WWOX: variants seen among roughly 807,000 people sequenced by gnomAD.
The protein encoded by WWOX is WW domain-containing oxidoreductase.
WWOX carries 69 observed loss-of-function variants against 46.2 expected under a neutral mutation model. The ratio of observed to expected loss-of-function variants is 1.49; its 90% confidence interval spans 1.23 to 1.82. The LOEUF is 1.82. Among genes scored for constraint, WWOX ranks in the 40% most tolerant of loss-of-function variants. The pLI is 0.00. For synonymous variants in WWOX, 359 were observed against 202.6 expected, an observed-to-expected ratio of 1.77 and a Z score of -6.56; for missense variants, 919 against 542.6, an observed-to-expected ratio of 1.69 and a Z score of -6.89.
rs771830919 is a variant in WWOX at position 78,774,584 on chromosome 16, A to G, written c.1056+341832A>G. The stretch of plus-strand genomic sequence containing the variant: ...CGTGTCCCCCTCCCCCCCCACACAT[A>G]TGCACATAAGATAGCATAAGGTAGT... On this transcript the variant is annotated intron_variant, in intron 8 of 8. Transcript: ENST00000566780. Among the ~76,000 whole-genome samples, 9 of 151,926 alleles carry G rather than the reference A, an allele frequency of 5.9e-5. No homozygotes were observed. The South Asian group carries it at 8.3e-4, about 14-fold the overall frequency.
At chr16:79,032,683 C>A (rs866835847) in intron 8 of WWOX, among the ~76,000 whole-genome samples, 2 of 148,488 alleles carry the variant, frequency 1.3e-5, no homozygotes, top group Non-Finnish European at 3.0e-5. Flanking sequence ...TATATATATA[C>A]ACACACACAC....
At chr16:79,005,675 A>G (rs2151370030) in intron 8 of WWOX, among the ~76,000 whole-genome samples, 1 of 152,088 alleles carries the variant, frequency 6.6e-6, no homozygotes, top group East Asian at 1.9e-4. Flanking sequence ...TGTTCTTCTT[A>G]TAAGGACACC....
At chr16:79,068,862 T>TAAA (rs1555521800) in intron 8 of WWOX, among the ~76,000 whole-genome samples, 1 of 140,420 alleles carries the variant, frequency 7.1e-6, no homozygotes. Context: ...ATAATAATAA[T>TAAA]AAAGAAAGCG....
intron 5 of WWOX, among the ~76,000 whole-genome samples, chr16:78,293,751 G>A (rs1225746590): frequency 6.6e-6 from 1 of 152,046 alleles, no homozygotes; most frequent in East Asian, 1.9e-4. Context: ...GCCGAGGCTG[G>A]CAGATCACGA....
intron 5 of WWOX, among the ~76,000 whole-genome samples, chr16:78,230,952 A>G (rs891973846): frequency 7.9e-5 from 12 of 152,252 alleles, no homozygotes; most frequent in Non-Finnish European, 1.5e-4. Flanking sequence ...CTTTGAGGCA[A>G]TGGATTTAAC....
chr16:79,176,614 G>C (rs1056675530), intron 8 of WWOX, among the ~76,000 whole-genome samples: 3 of 152,146 alleles, frequency 2.0e-5, no homozygotes, highest in Non-Finnish European at 4.4e-5. Flanking sequence ...TTAAACTGAT[G>C]TCTGTGTGTC....
chr16:78,721,788 G>A (rs895607775), intron 8 of WWOX, among the ~76,000 whole-genome samples: 1 of 152,174 alleles, frequency 6.6e-6, no homozygotes, highest in African/African-American at 2.4e-5. Context: ...CAGGTGCTCC[G>A]AAGATACCCC....
intron 8 of WWOX, among the ~76,000 whole-genome samples, chr16:78,829,086 AGATGGATG>A (rs59225171): frequency 0.26 from 38,911 of 147,586 alleles, 5,850 homozygotes; most frequent in Middle Eastern, 0.42. Flanking sequence ...TCCATCTGGA[AGATGGATG>A]GATGGATGGA....
Position 78,543,778 on chromosome 16 carries a change from ACACTGATGAG to A in WWOX, c.1056+111027_1056+111036del, listed in dbSNP as rs1308539210. Among the ~76,000 whole-genome samples, 11 of 152,268 alleles carry A rather than the reference ACACTGATGAG, an allele frequency of 7.2e-5. No individual in the cohort carries two copies. The East Asian group carries it at 2.1e-3, about 29-fold the overall frequency. On this transcript the variant is annotated intron_variant, in intron 8 of 8. Coordinates refer to ENST00000566780, the MANE Select transcript of WWOX (RefSeq NM_016373.4). ...GAGATCCCTTGAATATACTGACAAT[ACACTGATGAG>A]AATTGAATGCCCCATAAATTGCATC...
At chr16:78,834,350 G>A (rs1429364992) in intron 8 of WWOX, among the ~76,000 whole-genome samples, 2 of 152,168 alleles carry the variant, frequency 1.3e-5, no homozygotes, top group Non-Finnish European at 2.9e-5. Context: ...AGTGAGCTAC[G>A]GGAAAGTTTC....
At chr16:78,105,411 A>G (rs982234493) in intron 1 of WWOX, among the ~76,000 whole-genome samples, 4 of 151,202 alleles carry the variant, frequency 2.6e-5, no homozygotes. Context: ...GTGAGCTGAG[A>G]TTGCACCACT....
chr16:78,119,227 A>G (rs1021673650), intron 4 of WWOX, among the ~76,000 whole-genome samples: 7 of 152,228 alleles, frequency 4.6e-5, no homozygotes, highest in African/African-American at 1.7e-4. Context: ...CTGATTTGGT[A>G]AAAGCAACGG....
At chr16:78,568,942 C>A (rs1011628323) in intron 8 of WWOX, among the ~76,000 whole-genome samples, 9 of 152,180 alleles carry the variant, frequency 5.9e-5, no homozygotes, top group Non-Finnish European at 1.2e-4. Flanking sequence ...GTCTTATTGT[C>A]CACTTCTACC....
chr16:78,318,482 C>G lies in WWOX; in HGVS notation c.517-68378C>G, dbSNP rs189211935. 4.6e-5 allele frequency among the ~76,000 whole-genome samples: 7 copies of G among 152,024 alleles called. No homozygotes were observed. In the East Asian group the frequency reaches 1.4e-3, roughly 29 times the overall value. Reference sequence around the variant, plus strand: ...TGTTTCCTAATTGTTGATTTGTGGTCCATATATTTGGTTCCTTAACTAAAT... The same window carrying G: ...TGTTTCCTAATTGTTGATTTGTGGTGCATATATTTGGTTCCTTAACTAAAT... On this transcript the variant is annotated intron_variant, in intron 5 of 8. Coordinates refer to ENST00000566780, the MANE Select transcript of WWOX (RefSeq NM_016373.4).
At chr16:79,006,062 A>G (rs902868024) in intron 8 of WWOX, among the ~76,000 whole-genome samples, 2 of 152,164 alleles carry the variant, frequency 1.3e-5, no homozygotes, top group African/African-American at 2.4e-5. Context: ...GTGAACCCAT[A>G]TCAACAAGGC....
chr16:78,259,523 G>A (rs1305868107), intron 5 of WWOX, among the ~76,000 whole-genome samples: 1 of 151,404 alleles, frequency 6.6e-6, no homozygotes. Context: ...TCACCATGTT[G>A]GCCAGGCTGG....
intron 8 of WWOX, among the ~76,000 whole-genome samples, chr16:78,763,016 G>A (rs1043043976): frequency 6.6e-6 from 1 of 152,166 alleles, no homozygotes; most frequent in Non-Finnish European, 1.5e-5. Flanking sequence ...CATATGCAGA[G>A]GGGTAACTGA....
chr16:78,898,210 T>A (rs915687267), intron 8 of WWOX: 1 of 152,178 alleles, frequency 6.6e-6, no homozygotes, highest in Non-Finnish European at 1.5e-5. Context: ...CTAAGAACCT[T>A]TACCAATCAC....
intron 5 of WWOX, among the ~76,000 whole-genome samples, chr16:78,304,562 A>T (rs1450729368): frequency 6.6e-6 from 1 of 152,212 alleles, no homozygotes; most frequent in Non-Finnish European, 1.5e-5. Context: ...TTCACTTCAC[A>T]ATATTTCATA....
Sources: allele counts gnomAD v4.1 joint callset (sites outside exome capture counted in the v4.1 genomes callset), GRCh38; gene constraint gnomAD v4.1.1; transcripts MANE v1.5; gene names NCBI Gene and HGNC (gene_info 2026-07-23, HGNC 2026-07-21).